Variants in IL17RD observed in about 807,000 individuals in gnomAD.
IL17RD encodes the protein interleukin-17 receptor D.
Under a neutral mutation model 80.5 loss-of-function variants are expected in IL17RD, and 52 were observed. The ratio of observed to expected loss-of-function variants is 0.65; its 90% confidence interval spans 0.52 to 0.81. IL17RD has a LOEUF of 0.81. Ranked by LOEUF, IL17RD falls within the 40% of genes least tolerant of loss-of-function variation. IL17RD has a pLI of 0.00. For missense variants in IL17RD, 1,024 were observed against 955.1 expected (o/e 1.07, Z -0.95); for synonymous variants, 416 against 391.8 (o/e 1.06, Z -0.73).
chr3:57,131,074 T>G (rs993923874), intron 1 of IL17RD, among the ~76,000 whole-genome samples: 1 of 152,162 alleles, frequency 6.6e-6, no homozygotes, highest in Non-Finnish European at 1.5e-5. Context: ...GGGCAAGGCA[T>G]TAGACTTCCT....
At chr3:57,151,121 T>A (rs1381468715) in intron 1 of IL17RD, among the ~76,000 whole-genome samples, 2 of 152,224 alleles carry the variant, frequency 1.3e-5, no homozygotes, top group African/African-American at 4.8e-5. Context: ...ACTGCGGCTT[T>A]CCTGAAATCA....
chr3:57,145,336 C>A (rs1707904530), intron 1 of IL17RD, among the ~76,000 whole-genome samples: 1 of 152,114 alleles, frequency 6.6e-6, no homozygotes, highest in Non-Finnish European at 1.5e-5. Flanking sequence ...TGCACCGGGT[C>A]TTTGGCCATG....
intron 1 of IL17RD, among the ~76,000 whole-genome samples, chr3:57,132,273 C>T (rs1707626350): frequency 6.6e-6 from 1 of 151,690 alleles, no homozygotes; most frequent in Non-Finnish European, 1.5e-5. Context: ...GAGTTCGAGA[C>T]CAGCCTGGTC....
intron 1 of IL17RD, among the ~76,000 whole-genome samples, chr3:57,159,664 G>A (rs1175571771): frequency 6.6e-6 from 1 of 152,224 alleles, no homozygotes; most frequent in African/African-American, 2.4e-5. Context: ...CTGAGGGCAG[G>A]AGCTCTCCAA....
At chr3:57,153,936 T>A (rs1479012397) in intron 1 of IL17RD, among the ~76,000 whole-genome samples, 1 of 152,102 alleles carries the variant, frequency 6.6e-6, no homozygotes, top group Non-Finnish European at 1.5e-5. Flanking sequence ...TTCATCTTCC[T>A]GTATCGTTTC....
At position 57,098,331 on chromosome 3, in the gene IL17RD, C is replaced by A; in HGVS notation, c.1372G>T (p.Ala458Ser). Residue 458 changes from alanine to serine, a missense_variant, in exon 12 of 13, where the codon GCC (alanine) becomes TCC (serine). By Grantham distance (99) the Ala-to-Ser change is moderately conservative. Coordinates refer to ENST00000296318, the MANE Select transcript of IL17RD (RefSeq NM_017563.5). ...TGCTTGGCCTGGCGGAGCTTTTCGG[C>A]AATGGCTGACACCGCCACCAGGAAG... ...ELFLVAVSAI[A>S]EKLRQAKQSS... The A allele has an allele frequency of 6.2e-7, 1 of 1,613,990 alleles. No individual in the cohort carries two copies.
At chr3:57,154,030 G>C (rs1370960471) in intron 1 of IL17RD, among the ~76,000 whole-genome samples, 1 of 151,794 alleles carries the variant, frequency 6.6e-6, no homozygotes, top group Admixed American at 6.6e-5. Context: ...AGGACTGCTT[G>C]AGGCCAGGAG....
intron 1 of IL17RD, among the ~76,000 whole-genome samples, chr3:57,131,282 C>A (rs4681957): frequency 0.15 from 23,114 of 152,144 alleles, 2,267 homozygotes; most frequent in East Asian, 0.38. Flanking sequence ...GAAAGAGCCT[C>A]CAAACCTGAT....
intron 1 of IL17RD, among the ~76,000 whole-genome samples, chr3:57,161,149 G>T (rs560664331): frequency 6.6e-6 from 1 of 152,284 alleles, no homozygotes; most frequent in African/African-American, 2.4e-5. Flanking sequence ...TTATAAAAAC[G>T]TCTCTCTAAA....
At chr3:57,120,528 T>G (rs1433339603) in intron 1 of IL17RD, among the ~76,000 whole-genome samples, 2 of 152,200 alleles carry the variant, frequency 1.3e-5, no homozygotes, top group African/African-American at 4.8e-5. Flanking sequence ...GCCATAGGGA[T>G]CATGAGCACT....
intron 1 of IL17RD, among the ~76,000 whole-genome samples, chr3:57,142,944 T>C (rs1037085400): frequency 2.6e-5 from 4 of 152,172 alleles, no homozygotes; most frequent in South Asian, 2.1e-4. Context: ...TAATCTGTTA[T>C]AAAGTTTCCC....
At chr3:57,141,626 C>T (rs1021906866) in intron 1 of IL17RD, among the ~76,000 whole-genome samples, 3 of 151,930 alleles carry the variant, frequency 2.0e-5, no homozygotes, top group Non-Finnish European at 4.4e-5. Context: ...TATCTGTATA[C>T]ACAAACTGCT....
chr3:57,093,510 C>T lies in IL17RD; in HGVS notation c.*2883G>A, dbSNP rs1706603871. 1 of 152,098 alleles carries T rather than the reference C, an allele frequency of 6.6e-6. No individual in the cohort carries two copies. The highest frequency in any genetic ancestry group is 2.4e-5 in the African/African-American group (1 of 41,406). 9.4% of individuals were successfully genotyped at this position (152,098 alleles called of 1,614,324 possible). A position where few individuals can be genotyped will look rare whatever the true frequency, so the allele number is the denominator to read the frequency against. ...AAAAGGCTCTGAAAATCATGTAACC[C>T]CACATTTTTTGAAGGACAGTCTTCC... is the stretch of plus-strand genomic sequence containing the variant. On this transcript the variant is annotated 3_prime_UTR_variant, in exon 13 of 13. Transcript: ENST00000296318.
At chr3:57,129,928 C>G (rs1044564117) in intron 1 of IL17RD, among the ~76,000 whole-genome samples, 4 of 152,212 alleles carry the variant, frequency 2.6e-5, no homozygotes, top group African/African-American at 9.6e-5. Context: ...CCCCTGTTCT[C>G]TAGCTGCAAA....
intron 4 of IL17RD, among the ~76,000 whole-genome samples, 154 bp from the exon 5 acceptor site, chr3:57,109,811 G>C (rs1260371995): frequency 6.6e-6 from 1 of 152,154 alleles, no homozygotes; most frequent in Non-Finnish European, 1.5e-5. Flanking sequence ...CTAGTTTCTG[G>C]ACTAACTTGA....
intron 2 of IL17RD, among the ~76,000 whole-genome samples, chr3:57,119,454 A>AGGAG (rs1289971660): frequency 6.6e-6 from 1 of 151,826 alleles, no homozygotes; most frequent in East Asian, 1.9e-4. Flanking sequence ...GCTTGAACCC[A>AGGAG]GGAGGTGGAG....
rs1706544271 is a variant in IL17RD, at chr3:57,091,132, TG to T, written c.*5260del. The T allele has an allele frequency of 6.6e-6, 1 of 152,612 alleles. No homozygotes were observed. Among genetic ancestry groups the T allele is most frequent in the African/African-American group, 2.4e-5 (1 of 41,436 alleles). The allele number at this position is 152,612 out of a possible 1,614,324, so 9.5% of individuals were successfully genotyped here. A position where few individuals can be genotyped will look rare whatever the true frequency, so the allele number is the denominator to read the frequency against. ...GCTGTTACCACACCAGTGGTTAAAC[TG>T]AAGTCTGTACCATTTAATATTGTGA... On this transcript the variant is annotated 3_prime_UTR_variant, in exon 13 of 13. Transcript: ENST00000296318.
chr3:57,137,614 A>G (rs1707754049), intron 1 of IL17RD, among the ~76,000 whole-genome samples: 1 of 152,212 alleles, frequency 6.6e-6, no homozygotes, highest in Non-Finnish European at 1.5e-5. Context: ...CTCAAAACAC[A>G]TATCCATTTC....
intron 3 of IL17RD, among the ~76,000 whole-genome samples, chr3:57,110,512 C>T (rs1353304721): frequency 6.6e-6 from 1 of 152,166 alleles, no homozygotes; most frequent in Non-Finnish European, 1.5e-5. Flanking sequence ...TTTCTCCATC[C>T]CACCATTACT....
Sources: gnomAD v4.1 joint callset for allele counts (sites outside exome capture counted in the v4.1 genomes callset) on GRCh38, gnomAD v4.1.1 for gene constraint, MANE v1.5 for transcripts, NCBI Gene and HGNC (gene_info 2026-07-23, HGNC 2026-07-21) for gene names.